Variants in UST observed in about 807,000 individuals in gnomAD.
UST encodes chondroitin sulfate 2-O-sulfotransferase.
UST carries 21 observed loss-of-function variants against 45.6 expected under a neutral mutation model. The ratio of observed to expected loss-of-function variants is 0.46; its 90% CI spans 0.33 to 0.66. UST has a LOEUF of 0.66. UST is among the 30% of genes least tolerant of loss of function. The probability of loss-of-function intolerance (pLI) is 0.02; values close to 1 mark genes in which losing one functional copy is unlikely to be tolerated. For missense variants in UST, 463 were observed against 512.4 expected (o/e 0.90, Z 0.93); for synonymous variants, 215 against 200.6 (o/e 1.07, Z -0.61).
intron 2 of UST, among the ~76,000 whole-genome samples, chr6:148,888,908 C>T (rs890544342): frequency 1.3e-5 from 2 of 152,194 alleles, no homozygotes; most frequent in Non-Finnish European, 2.9e-5. Flanking sequence ...GTGTCTAACT[C>T]GTCTCAGTAT....
At chr6:148,798,952 C>T (rs1019032006) in intron 1 of UST, among the ~76,000 whole-genome samples, 1 of 152,136 alleles carries the variant, frequency 6.6e-6, no homozygotes, top group Non-Finnish European at 1.5e-5. Flanking sequence ...TCGCTGCAAC[C>T]TCTGCCTCTC....
intron 7 of UST, among the ~76,000 whole-genome samples, chr6:149,043,448 C>CT (rs34320077): frequency 6.6e-6 from 1 of 152,210 alleles, no homozygotes; most frequent in Non-Finnish European, 1.5e-5. Flanking sequence ...CATATTCCTG[C>CT]TTTTTTTCTG....
At chr6:148,937,170 AC>A (rs982374928) in intron 2 of UST, among the ~76,000 whole-genome samples, 11 of 152,354 alleles carry the variant, frequency 7.2e-5, no homozygotes, top group African/African-American at 2.6e-4. Context: ...AGGTTTACTT[AC>A]GTTTGTGGTA....
chr6:148,924,677 G>T (rs1200941813), intron 2 of UST, among the ~76,000 whole-genome samples: 1 of 152,184 alleles, frequency 6.6e-6, no homozygotes, highest in Non-Finnish European at 1.5e-5. Context: ...GCCGTCACAT[G>T]TGGGCTGGAC....
At chr6:148,838,463 C>T (rs1417311895) in intron 1 of UST, among the ~76,000 whole-genome samples, 1 of 152,196 alleles carries the variant, frequency 6.6e-6, no homozygotes, top group African/African-American at 2.4e-5. Context: ...CAGCTGAAGA[C>T]CATGATTCAG....
chr6:148,955,392 G>C (rs2114942849), intron 4 of UST, among the ~76,000 whole-genome samples: 1 of 152,388 alleles, frequency 6.6e-6, no homozygotes, highest in African/African-American at 2.4e-5. Flanking sequence ...ATTAAGCAGA[G>C]AAAAGGAGCT....
intron 1 of UST, among the ~76,000 whole-genome samples, chr6:148,796,023 C>A (rs1776942044): frequency 6.6e-6 from 1 of 152,112 alleles, no homozygotes; most frequent in Non-Finnish European, 1.5e-5. Flanking sequence ...ACTGAACAAA[C>A]AAGATAGGAC....
chr6:149,023,794 A>G (rs919307712), intron 7 of UST, among the ~76,000 whole-genome samples: 2 of 152,136 alleles, frequency 1.3e-5, no homozygotes, highest in Non-Finnish European at 2.9e-5. Flanking sequence ...CAGAGGACCC[A>G]CTTAGTGGCT....
intron 1 of UST, among the ~76,000 whole-genome samples, chr6:148,880,055 A>G (rs1778796045): frequency 6.6e-6 from 1 of 151,096 alleles, no homozygotes; most frequent in Non-Finnish European, 1.5e-5. Context: ...CCTGGATTCA[A>G]GTAATTCTCC....
intron 1 of UST, among the ~76,000 whole-genome samples, chr6:148,781,464 G>A (rs1776643036): frequency 6.6e-6 from 1 of 152,214 alleles, no homozygotes; most frequent in Non-Finnish European, 1.5e-5. Flanking sequence ...AGCTACCAGA[G>A]GTTGGTTCAT....
intron 5 of UST, among the ~76,000 whole-genome samples, chr6:149,011,407 C>T (rs566900320): frequency 5.7e-4 from 87 of 152,178 alleles, no homozygotes; most frequent in Non-Finnish European, 1.0e-3. Flanking sequence ...TTTGCTAGCA[C>T]AACAGTGTGA....
At chr6:148,805,302 T>C (rs1169728817) in intron 1 of UST, among the ~76,000 whole-genome samples, 1 of 152,222 alleles carries the variant, frequency 6.6e-6, no homozygotes, top group Non-Finnish European at 1.5e-5. Flanking sequence ...TTACGTTGTG[T>C]AGAAATGTTC....
At chr6:148,877,393 CGGGGGTCGTGT>C (rs775055457) in intron 1 of UST, among the ~76,000 whole-genome samples, 672 of 17,496 alleles carry the variant, frequency 0.038, 43 homozygotes, top group African/African-American at 0.13. Flanking sequence ...TGTATGAGTG[CGGGGGTCGTGT>C]ATGAGTGCGG....
At chr6:149,021,235 G>T in intron 6 of UST, 89 bp from the exon 7 acceptor site, 1 of 1,380,532 alleles carries the variant, frequency 7.2e-7, no homozygotes. Context: ...TGCAAGTGAA[G>T]GTGGGAGGTA....
intron 2 of UST, among the ~76,000 whole-genome samples, chr6:148,918,442 C>T (rs1389101767): frequency 1.3e-5 from 2 of 152,234 alleles, no homozygotes; most frequent in African/African-American, 4.8e-5. Context: ...CAGTGATCTT[C>T]AGCAGCTGAC....
chr6:149,052,680 T>C (rs1340824372), intron 7 of UST, among the ~76,000 whole-genome samples: 1 of 152,238 alleles, frequency 6.6e-6, no homozygotes, highest in Non-Finnish European at 1.5e-5. Flanking sequence ...AGTAGGATTC[T>C]ATGAAATGTT....
intron 1 of UST, among the ~76,000 whole-genome samples, chr6:148,775,626 ATTTT>A (rs752769104): frequency 6.3e-4 from 92 of 145,008 alleles, no homozygotes; most frequent in East Asian, 2.2e-3. Context: ...TTTTAATTAA[ATTTT>A]TTTTTTTTTG....
chr6:148,924,641 G>T (rs768681482), intron 2 of UST, among the ~76,000 whole-genome samples: 2 of 152,130 alleles, frequency 1.3e-5, no homozygotes, highest in African/African-American at 2.4e-5. Context: ...ACGTTAGTGT[G>T]GGGGGACACT....
At chr6:148,995,184 T>C (rs1033902343) in intron 5 of UST, among the ~76,000 whole-genome samples, 6 of 152,168 alleles carry the variant, frequency 3.9e-5, no homozygotes, top group Non-Finnish European at 8.8e-5. Context: ...ACCACCACAC[T>C]TGGCTAATTT....
Sources: allele counts gnomAD v4.1 joint callset (sites outside exome capture counted in the v4.1 genomes callset), GRCh38; gene constraint gnomAD v4.1.1; transcripts MANE v1.5; gene names NCBI Gene and HGNC (gene_info 2026-07-23, HGNC 2026-07-21).